Variants in NKAIN4 observed in about 807,000 individuals in gnomAD.
NKAIN4 encodes the protein sodium/potassium transporting ATPase interacting 4.
In NKAIN4, 28 loss-of-function variants were observed where a neutral mutation model predicts 28.8. That is an observed-to-expected ratio of 0.97 (90% CI 0.72 to 1.33). The LOEUF (loss-of-function observed/expected upper bound fraction) is 1.33, where lower values mean the gene tolerates loss of function less well. Among genes scored for constraint, NKAIN4 ranks in the 40% most tolerant of loss-of-function variants. The probability of loss-of-function intolerance (pLI) is 0.00; values close to 1 mark genes in which losing one functional copy is unlikely to be tolerated. For synonymous variants in NKAIN4, 122 were observed against 115.6 expected (o/e 1.06, Z -0.36); for missense variants, 289 against 277.2 (o/e 1.04, Z -0.30).
chr20:63,252,200 A>C lies in NKAIN4; in HGVS notation c.55-2128T>G, dbSNP rs923384396. 1.3e-5 allele frequency among the ~76,000 whole-genome samples: 2 copies of C among 152,124 alleles called. No individual in the cohort carries two copies. The highest frequency in any genetic ancestry group is 1.5e-5 in the Non-Finnish European group (1 of 68,012). ...GCTCAGGGCTCCATGACATGTGGCGACATGCATGAGCAGGGAGGCTCATGC... is the reference window on the plus strand; with the variant it reads ...GCTCAGGGCTCCATGACATGTGGCGCCATGCATGAGCAGGGAGGCTCATGC... On this transcript the variant is annotated intron_variant, in intron 1 of 6. Transcript: ENST00000370316. This position sits in a 1 kb window ranked among gnomAD's most constrained non-coding sequence, Gnocchi z 4.6.
Position 63,247,904 on chromosome 20 carries a change from C to T in NKAIN4, c.274-129G>A, listed in dbSNP as rs80154372. 9,799 of 1,261,124 alleles carry T rather than the reference C, an allele frequency of 7.8e-3. 483 individuals are homozygous for T. In the African/African-American group the frequency reaches 0.12, roughly 15 times the overall value. 78.1% of individuals were successfully genotyped at this position (1,261,124 alleles called of 1,614,324 possible). A position where few individuals can be genotyped will look rare whatever the true frequency, so the allele number is the denominator to read the frequency against. On this transcript the variant is annotated intron_variant, in intron 3 of 6. Coordinates refer to ENST00000370316, the MANE Select transcript of NKAIN4 (RefSeq NM_152864.4). ...CTGTCCTCTCACCTCCCCTGTCCTC[C>T]CACTGCACCCCGCCCCCAGGGCTCC... is the stretch of plus-strand genomic sequence containing the variant.
chr20:63,249,783 G>T, intron 2 of NKAIN4, 152 bp downstream of exon 2: 1 of 690,662 alleles, frequency 1.4e-6, no homozygotes, highest in Non-Finnish European at 2.3e-6. Context: ...AGATGTCCAG[G>T]CAGCAAAGAG....
chr20:63,250,334 GTGTCACCGTC>G (rs2066934572), intron 1 of NKAIN4, among the ~76,000 whole-genome samples: 1 of 152,204 alleles, frequency 6.6e-6, no homozygotes, highest in African/African-American at 2.4e-5. Context: ...GTGTCCCCGT[GTGTCACCGTC>G]TGTCCCCGGT....
rs781492419 is a variant in NKAIN4 at position 63,242,547 on chromosome 20, C to A, written c.609G>T (p.Gln203His). 4 of 1,611,848 alleles carry A rather than the reference C, an allele frequency of 2.5e-6. No homozygotes were observed. The East Asian group carries it at 8.9e-5, about 36-fold the overall frequency. Reference sequence around the variant, plus strand: ...CTGCCAGCCATACTTACAAGTACACCTGCTTGGACAAGAGACTGGATGGCT... The same window carrying A: ...CTGCCAGCCATACTTACAAGTACACATGCTTGGACAAGAGACTGGATGGCT... The part of the protein sequence containing the change: ...NEKPSSLLSK[Q>H]VYLPA Residue 203 changes from glutamine (Q) to histidine (H), a missense_variant, in exon 6 of 7, where the codon CAG becomes CAT. Physicochemically the swap from Gln to His is conservative, Grantham distance 24. Coordinates refer to ENST00000370316, the MANE Select transcript of NKAIN4 (RefSeq NM_152864.4).
At chr20:63,250,730 T>G (rs1190249221) in intron 1 of NKAIN4, among the ~76,000 whole-genome samples, 1 of 151,962 alleles carries the variant, frequency 6.6e-6, no homozygotes, top group Non-Finnish European at 1.5e-5. Context: ...AATATAAAGT[T>G]GGTATTTTAT....
intron 1 of NKAIN4, chr20:63,254,096 C>A: frequency 2.4e-6 from 1 of 416,028 alleles, no homozygotes; most frequent in Non-Finnish European, 4.5e-6. Context: ...CGGCCCCGCC[C>A]GAAGGCTTCC....
At chr20:63,249,804 AG>A in intron 2 of NKAIN4, 130 bp downstream of exon 2, 4 of 943,566 alleles carry the variant, frequency 4.2e-6, no homozygotes, top group Non-Finnish European at 6.3e-6. Context: ...GTCTGAACCC[AG>A]GGGTCTGGGT....
At chr20:63,250,861 G>A (rs2066945077) in intron 1 of NKAIN4, among the ~76,000 whole-genome samples, 1 of 151,962 alleles carries the variant, frequency 6.6e-6, no homozygotes, top group Non-Finnish European at 1.5e-5. Context: ...ACAACCCAGA[G>A]AAGAGAAGAT....
At chr20:63,248,624 T>C (rs2066901859) in intron 3 of NKAIN4, 191 bp downstream of exon 3, 2 of 562,308 alleles carry the variant, frequency 3.6e-6, no homozygotes, top group South Asian at 2.1e-5. Flanking sequence ...ATCAAATCAC[T>C]GGTCTTTCCC....
Position 63,254,412 on chromosome 20 carries a change from G to A in NKAIN4, c.39C>T (p.Leu13=). The A allele has an allele frequency of 6.9e-7, 1 of 1,447,052 alleles. No homozygotes were observed. Among genetic ancestry groups the A allele is most frequent in the South Asian group, 1.3e-5 (1 of 74,438 alleles). 89.6% of individuals were successfully genotyped at this position (1,447,052 alleles called of 1,614,324 possible). A position where few individuals can be genotyped will look rare whatever the true frequency, so the allele number is the denominator to read the frequency against. ...CGCCACTCACCAGCTGAAAAGCGCAGAGGACGACGAGCGCGCAGCGGCCGG... is the reference window on the plus strand; with the variant it reads ...CGCCACTCACCAGCTGAAAAGCGCAAAGGACGACGAGCGCGCAGCGGCCGG... ...SCSGRCALVV[L]CAFQLVAALE... The change falls in exon 1 of 7, where the codon CTC becomes CTT. Residue 13 remains leucine (L), a synonymous_variant. Transcript: ENST00000370316.
chr20:63,254,340 C>T, intron 1 of NKAIN4, 57 bp downstream of exon 1: 1 of 1,352,248 alleles, frequency 7.4e-7, no homozygotes, highest in Non-Finnish European at 9.7e-7. Context: ...GACCCCACAG[C>T]CGCCGTGGGT....
chr20:63,241,381 G>T lies in NKAIN4; in HGVS notation c.*116C>A. The T allele has an allele frequency of 8.8e-7, 1 of 1,131,624 alleles. No homozygotes were observed. Among genetic ancestry groups the T allele is most frequent in the South Asian group, 1.3e-5 (1 of 74,528 alleles). The allele number at this position is 1,131,624 out of a possible 1,614,324, so 70.1% of individuals were successfully genotyped here. On this transcript the variant is annotated 3_prime_UTR_variant, in exon 7 of 7. Coordinates refer to ENST00000370316, the MANE Select transcript of NKAIN4 (RefSeq NM_152864.4). ...CTTAGAACCCAGGGCAGGTGCTGCC[G>T]GCCGCCTGGGGGGTGCTGGGTGGGG...
rs111954717 is a variant in NKAIN4, at chr20:63,248,877, C to T, written c.211G>A (p.Val71Ile). ...YVMVYTLWAA[V>I]WVTWNVFIIC... ...ATGAAGACGTTCCAGGTGACCCAGA[C>T]GGCTGCCCACAGCGTGTACTAGGGA... Residue 71 changes from valine to isoleucine, a missense_variant, in exon 3 of 7, where the codon GTC becomes ATC. Val to Ile is a conservative substitution (Grantham distance 29). Coordinates refer to ENST00000370316, the MANE Select transcript of NKAIN4 (RefSeq NM_152864.4). 34 of 1,612,482 alleles carry T rather than the reference C, an allele frequency of 2.1e-5. 1 individual carries two copies. In the Middle Eastern group the frequency reaches 4.9e-4, roughly 23 times the overall value.
At chr20:63,253,177 C>A (rs2066991235) in intron 1 of NKAIN4, 1 of 983,834 alleles carries the variant, frequency 1.0e-6, no homozygotes. Flanking sequence ...CCCCTCCCCA[C>A]CAGTCTCCTA....
intron 1 of NKAIN4, 157 bp downstream of exon 1, chr20:63,254,240 T>G: frequency 3.8e-6 from 2 of 527,690 alleles, no homozygotes; most frequent in South Asian, 4.3e-5. Context: ...GACGCCACCT[T>G]CGGCCGTAGC....
chr20:63,246,617 C>T, intron 4 of NKAIN4: 1 of 985,344 alleles, frequency 1.0e-6, no homozygotes, highest in Non-Finnish European at 1.2e-6. Context: ...TCCTGGAAGC[C>T]CCAGGTCCAC....
chr20:63,251,865 G>A (rs1406932681), intron 1 of NKAIN4, among the ~76,000 whole-genome samples: 12 of 152,240 alleles, frequency 7.9e-5, no homozygotes, highest in Middle Eastern at 3.4e-3. Context: ...AGCCGCCCAC[G>A]AAACTCTTAG....
intron 5 of NKAIN4, among the ~76,000 whole-genome samples, chr20:63,243,652 G>A (rs1568702552): frequency 6.6e-6 from 1 of 152,168 alleles, no homozygotes; most frequent in Non-Finnish European, 1.5e-5. Flanking sequence ...GGCCTGATGT[G>A]AGCGTCCTGG....
chr20:63,248,997 G>C (rs1200639164), intron 2 of NKAIN4, 102 bp from the exon 3 acceptor site: 1 of 780,836 alleles, frequency 1.3e-6, no homozygotes, highest in Non-Finnish European at 2.2e-6. Flanking sequence ...GCATAGGAGG[G>C]GCGGCCTCTG....
Sources: allele counts gnomAD v4.1 joint callset (sites outside exome capture counted in the v4.1 genomes callset), GRCh38; gene constraint gnomAD v4.1.1; non-coding constraint Gnocchi (gnomAD v3.1); transcripts MANE v1.5; gene names NCBI Gene and HGNC (gene_info 2026-07-23, HGNC 2026-07-21).